The following CLEC12A variants were observed in gnomAD, a reference collection of about 807,000 sequenced individuals.
The protein encoded by CLEC12A is C-type lectin protein CLL-1.
In CLEC12A, 22 loss-of-function variants were observed where a neutral mutation model predicts 26.5. The observed-to-expected ratio is 0.83, with a 90% CI of 0.59 to 1.19. The LOEUF is 1.19. Ranked by LOEUF, CLEC12A falls within the 50% of genes most tolerant of loss-of-function variation. CLEC12A has a pLI of 0.00. For missense variants in CLEC12A, 353 were observed against 315.6 expected, an observed-to-expected ratio of 1.12 and a Z score of -0.90; for synonymous variants, 119 against 101.9, an observed-to-expected ratio of 1.17 and a Z score of -1.01.
chr12:9,978,824 T>C (rs1192898304), intron 1 of CLEC12A, 142 bp from the exon 2 acceptor site: 5 of 627,116 alleles, frequency 8.0e-6, no homozygotes, highest in Non-Finnish European at 1.4e-5. Flanking sequence ...TTTTGAATAT[T>C]CTTGAATGGC....
At position 9,980,621 on chromosome 12, in the gene CLEC12A, A is replaced by T. The variant is rs1028887241; in HGVS notation, c.419A>T (p.His140Leu). ...CKPCPRRWIW[H>L]KDSCYFLSDD... ...CCTTGTCCAAGGAGATGGATTTGGC[A>T]TAAGGACAGCTGTTATTTCCTAAGT... Residue 140 changes from histidine to leucine, a missense_variant, in exon 4 of 6, where the codon CAT becomes CTT. Transcript: ENST00000304361. 3 of 1,613,942 alleles carry T rather than the reference A, an allele frequency of 1.9e-6. No individual in the cohort carries two copies. The highest frequency in any genetic ancestry group is 4.5e-5 in the East Asian group (2 of 44,886).
chr12:9,955,895 A>C (rs868663421), intron 1 of CLEC12A, among the ~76,000 whole-genome samples: 3 of 152,234 alleles, frequency 2.0e-5, no homozygotes, highest in South Asian at 2.1e-4. Flanking sequence ...ATCAAGCTAT[A>C]CTGGAGGAAA....
intron 5 of CLEC12A, among the ~76,000 whole-genome samples, chr12:9,983,175 A>T (rs781097821): frequency 1.3e-5 from 2 of 152,022 alleles, no homozygotes; most frequent in Non-Finnish European, 1.5e-5. Context: ...TAGATACCCA[A>T]TAGTGGAATT....
upstream of CLEC12A, among the ~76,000 whole-genome samples, chr12:9,970,793 C>T (rs987746737): frequency 6.6e-6 from 1 of 152,192 alleles, no homozygotes; most frequent in Admixed American, 6.5e-5. Flanking sequence ...AGTATGCATA[C>T]TCTCTGGTGT....
At chr12:9,955,041 A>G (rs1863719735) in intron 1 of CLEC12A, among the ~76,000 whole-genome samples, 1 of 152,240 alleles carries the variant, frequency 6.6e-6, no homozygotes, top group Non-Finnish European at 1.5e-5. Flanking sequence ...TAATAAAAAT[A>G]GCTGAAACTT....
chr12:9,951,464 G>A, intron 1 of CLEC12A: 1 of 697,562 alleles, frequency 1.4e-6, no homozygotes, highest in Non-Finnish European at 2.6e-6. Context: ...ACGGAGAGAG[G>A]AAGCACCCTG....
downstream of CLEC12A, among the ~76,000 whole-genome samples, chr12:9,997,594 G>A (rs1053179062): frequency 3.3e-5 from 5 of 152,082 alleles, no homozygotes; most frequent in Non-Finnish European, 5.9e-5. Flanking sequence ...GAGTTATAGA[G>A]GTGAATGACC....
upstream of CLEC12A, among the ~76,000 whole-genome samples, chr12:9,967,882 T>C (rs953516011): frequency 3.3e-5 from 5 of 152,086 alleles, no homozygotes; most frequent in South Asian, 2.1e-4. Context: ...CTCTGAAACA[T>C]GGGTGAATAA....
downstream of CLEC12A, chr12:9,999,221 T>C (rs965488198): frequency 2.1e-5 from 13 of 611,476 alleles, no homozygotes; most frequent in South Asian, 3.2e-4. Context: ...GGTAGAACCA[T>C]GTGAGATGGG....
downstream of CLEC12A, among the ~76,000 whole-genome samples, chr12:9,987,261 G>A (rs565087071): frequency 1.2e-4 from 18 of 152,276 alleles, no homozygotes; most frequent in Non-Finnish European, 7.4e-5. Flanking sequence ...CAGGTAGCAA[G>A]ATTCTATGTA....
At chr12:9,995,498 T>C (rs1865021237) in exon 5 of CLEC12A, 3 of 413,902 alleles carry the variant, frequency 7.2e-6, no homozygotes, top group Non-Finnish European at 1.4e-5. Context: ...GTTTATAACA[T>C]GTATTTAGAT....
At chr12:9,990,800 A>G (rs938244227) in intron 4 of CLEC12A, 1 of 152,184 alleles carries the variant, frequency 6.6e-6, no homozygotes, top group African/African-American at 2.4e-5. Flanking sequence ...TTGATGCTAC[A>G]AACTTCACCA....
chr12:9,979,063 G>T lies in CLEC12A; in HGVS notation c.189G>T (p.Met63Ile). The T allele has an allele frequency of 6.2e-7, 1 of 1,609,236 alleles. No homozygotes were observed. Among genetic ancestry groups the T allele is most frequent in the Non-Finnish European group, 8.5e-7 (1 of 1,175,636 alleles). The change falls in exon 2 of 6, where the codon ATG (methionine) becomes ATT (isoleucine). Residue 63 changes from methionine to isoleucine, a missense_variant and splice_region_variant. Physicochemically the swap from Met to Ile is conservative, Grantham distance 10. Coordinates refer to ENST00000304361, the MANE Select transcript of CLEC12A (RefSeq NM_138337.6). ...TTGGATTGGGAGTCTTGGCAAGCAT[G>T]TGTATGTACTGCCCCTGTTTTTGTC... ...LLIGLGVLAS[M>I]FHVTLKIEMK...
chr12:9,973,357 G>A (rs868560161), intron 1 of CLEC12A, among the ~76,000 whole-genome samples: 1 of 152,078 alleles, frequency 6.6e-6, no homozygotes, highest in African/African-American at 2.4e-5. Context: ...GGGAGGCTGA[G>A]GAAAGAGGAT....
chr12:9,979,071 AC>A lies in CLEC12A; in HGVS notation c.190+8del. The A allele has an allele frequency of 6.2e-7, 1 of 1,604,158 alleles. No individual in the cohort carries two copies. ...GGAGTCTTGGCAAGCATGTGTATGT[AC>A]TGCCCCTGTTTTTGTCAAGAGGAAG... On this transcript the variant is annotated splice_region_variant and intron_variant, in intron 2 of 5. Coordinates refer to ENST00000304361, the MANE Select transcript of CLEC12A (RefSeq NM_138337.6).
At chr12:9,959,555 T>G (rs1341466614) in intron 1 of CLEC12A, among the ~76,000 whole-genome samples, 1 of 152,214 alleles carries the variant, frequency 6.6e-6, no homozygotes, top group Non-Finnish European at 1.5e-5. Flanking sequence ...GCACCTCTAT[T>G]CTTGTGTGGC....
chr12:9,984,763 C>T (rs1227127290), intron 5 of CLEC12A, 107 bp from the exon 6 acceptor site: 1 of 1,026,204 alleles, frequency 9.7e-7, no homozygotes, highest in Non-Finnish European at 1.3e-6. Flanking sequence ...GTTTAAACAA[C>T]ACAGAGTCTA....
intron 3 of CLEC12A, among the ~76,000 whole-genome samples, chr12:9,980,208 A>T (rs623182): frequency 0.57 from 87,077 of 151,864 alleles, 25,430 homozygotes; most frequent in East Asian, 0.84. Context: ...TTAATTTGAA[A>T]TTTTTTTGTT....
intron 1 of CLEC12A, among the ~76,000 whole-genome samples, chr12:9,962,054 C>A (rs1863837681): frequency 6.6e-6 from 1 of 152,176 alleles, no homozygotes; most frequent in Admixed American, 6.6e-5. Context: ...CAGCCTTCAT[C>A]AGCTATAGTT....
Sources: gnomAD v4.1 joint callset for allele counts (sites outside exome capture counted in the v4.1 genomes callset) on GRCh38, gnomAD v4.1.1 for gene constraint, MANE v1.5 for transcripts, NCBI Gene and HGNC (gene_info 2026-07-23, HGNC 2026-07-21) for gene names.